Variants in GMPS observed in about 807,000 individuals in gnomAD.
GMPS encodes the protein GMP synthase [glutamine-hydrolyzing].
GMPS carries 15 observed loss-of-function variants against 77.9 expected under a neutral mutation model. The ratio of observed to expected loss-of-function variants is 0.19; its 90% CI spans 0.13 to 0.30. The LOEUF is 0.30. Ranked by LOEUF, GMPS falls within the 10% of genes least tolerant of loss-of-function variation. GMPS has a pLI of 1.00. For synonymous variants in GMPS, 224 were observed against 275.9 expected, an observed-to-expected ratio of 0.81 and a Z score of 1.86; for missense variants, 590 against 838.8, an observed-to-expected ratio of 0.70 and a Z score of 3.66.
chr3:155,906,963 A>G (rs1470621232), intron 5 of GMPS, among the ~76,000 whole-genome samples: 1 of 152,182 alleles, frequency 6.6e-6, no homozygotes, highest in Non-Finnish European at 1.5e-5. Flanking sequence ...AATGGTCACT[A>G]ATATTCCTGG....
At position 155,940,744 on chromosome 3, in the gene GMPS, T is replaced by TG. The variant is rs978418328; in HGVS notation, c.*3052_*3053insG. 3.9e-5 allele frequency: 8 copies of TG among 203,476 alleles called. No individual in the cohort carries two copies. Among genetic ancestry groups the TG allele is most frequent in the East Asian group, 1.7e-4 (2 of 11,722 alleles). The allele number at this position is 203,476 out of a possible 1,614,324, so 12.6% of individuals were successfully genotyped here. ...AGAATGGAGAAGCTGGATAGTGTTT[T>TG]TTTTTTTTTTTTTTAAGGTTCTTTT... On this transcript the variant is annotated 3_prime_UTR_variant, in exon 16 of 16. Coordinates refer to ENST00000496455, the MANE Select transcript of GMPS (RefSeq NM_003875.3).
At position 155,890,714 on chromosome 3, in the gene GMPS, C is replaced by T. The variant is rs7620712; in HGVS notation, c.28-2804C>T. 7.1e-4 allele frequency among the ~76,000 whole-genome samples: 108 copies of T among 152,256 alleles called. 4 individuals are homozygous for T. Among genetic ancestry groups the T allele is most frequent in the East Asian group, 2.5e-3 (13 of 5,184 alleles). ...TTTCCTGGAGTCACTTCCTTTGGGA[C>T]GTTGCCATTCTTTCCATCACAACCA... is the stretch of plus-strand genomic sequence containing the variant. On this transcript the variant is annotated intron_variant, in intron 1 of 15. Transcript: ENST00000496455.
In GMPS at chr3:155,922,141, G is replaced by C. The variant is rs956695133; in HGVS notation, c.1319-46G>C. ...ATTTTTATATTAGATTTTTATATTA[G>C]AAATATAACATTAATGTTAAATACT... On this transcript the variant is annotated intron_variant, in intron 10 of 15. Coordinates refer to ENST00000496455, the MANE Select transcript of GMPS (RefSeq NM_003875.3). 1.8e-5 allele frequency: 13 copies of C among 723,934 alleles called. No individual in the cohort carries two copies. In the African/African-American group the frequency reaches 2.5e-4, roughly 14 times the overall value. The allele number at this position is 723,934 out of a possible 1,614,324, so 44.8% of individuals were successfully genotyped here.
At chr3:155,892,504 T>C (rs1312420571) in intron 1 of GMPS, among the ~76,000 whole-genome samples, 1 of 152,256 alleles carries the variant, frequency 6.6e-6, no homozygotes, top group Non-Finnish European at 1.5e-5. Context: ...TTTTGCATTA[T>C]TTTGAAGCAT....
chr3:155,870,324 G>T (rs577469521), upstream of GMPS, among the ~76,000 whole-genome samples: 1 of 152,356 alleles, frequency 6.6e-6, no homozygotes, highest in East Asian at 1.9e-4. Flanking sequence ...TCCGGCAGCA[G>T]CAAACTAGCT....
chr3:155,904,667 A>G (rs1189023662), intron 4 of GMPS, among the ~76,000 whole-genome samples: 1 of 152,214 alleles, frequency 6.6e-6, no homozygotes, highest in Non-Finnish European at 1.5e-5. Context: ...GAAGTTACTC[A>G]TTGTCAAAAT....
chr3:155,904,184 C>G (rs891382309), intron 4 of GMPS, among the ~76,000 whole-genome samples: 1 of 152,024 alleles, frequency 6.6e-6, no homozygotes, highest in African/African-American at 2.4e-5. Flanking sequence ...AATTTGAAAA[C>G]GCCTGTGCAG....
At chr3:155,906,721 T>G (rs897195864) in intron 5 of GMPS, among the ~76,000 whole-genome samples, 2 of 151,778 alleles carry the variant, frequency 1.3e-5, no homozygotes, top group Admixed American at 6.6e-5. Context: ...AATCTAGTCT[T>G]TTGCCTTTTT....
chr3:155,870,856 C>A lies in GMPS; in HGVS notation c.-15C>A. ...TACTGTCGCCGTCACCGCCGCGGCT[C>A]CGGCCCTGGCCCCGATGGCTCTGTG... On this transcript the variant is annotated 5_prime_UTR_variant, in exon 1 of 16. Transcript: ENST00000496455. The A allele has an allele frequency of 6.7e-7, 1 of 1,499,152 alleles. No homozygotes were observed. The allele number at this position is 1,499,152 out of a possible 1,614,324, so 92.9% of individuals were successfully genotyped here. A position where few individuals can be genotyped will look rare whatever the true frequency, so the allele number is the denominator to read the frequency against.
rs1755257291 is a variant in GMPS, at chr3:155,919,152, A to G, written c.1213-81A>G. ...AGTCTAAGAAAAGTGGTAACAGGAAAAGCCAATAATTTATTACGCTTTGTT... is the reference window on the plus strand; with the variant it reads ...AGTCTAAGAAAAGTGGTAACAGGAAGAGCCAATAATTTATTACGCTTTGTT... On this transcript the variant is annotated intron_variant, in intron 9 of 15. Coordinates refer to ENST00000496455, the MANE Select transcript of GMPS (RefSeq NM_003875.3). The G allele has an allele frequency of 1.6e-5, 10 of 633,230 alleles. No individual in the cohort carries two copies. In the South Asian group the frequency reaches 2.1e-4, roughly 14 times the overall value. The allele number at this position is 633,230 out of a possible 1,614,324, so 39.2% of individuals were successfully genotyped here. A position where few individuals can be genotyped will look rare whatever the true frequency, so the allele number is the denominator to read the frequency against.
chr3:155,938,938 C>G lies in GMPS; in HGVS notation c.*1246C>G, dbSNP rs116286350. On this transcript the variant is annotated 3_prime_UTR_variant, in exon 16 of 16. Coordinates refer to ENST00000496455, the MANE Select transcript of GMPS (RefSeq NM_003875.3). ...GAATGTTACCATATTTTTCTCTTAA[C>G]AATTCCATCTCAGGTTGCTGCTGCT... 0.012 allele frequency: 2,581 copies of G among 217,118 alleles called. 88 individuals carry two copies. Among genetic ancestry groups the G allele is most frequent in the African/African-American group, 0.055 (2,434 of 44,534 alleles). 13.4% of individuals were successfully genotyped at this position (217,118 alleles called of 1,614,324 possible).
At chr3:155,872,019 C>G (rs536129572) in intron 1 of GMPS, among the ~76,000 whole-genome samples, 24 of 152,288 alleles carry the variant, frequency 1.6e-4, no homozygotes, top group African/African-American at 5.8e-4. Flanking sequence ...TACACCTCCT[C>G]TGTACGCTGT....
chr3:155,914,856 C>T (rs1037530333), intron 8 of GMPS, among the ~76,000 whole-genome samples: 2 of 151,816 alleles, frequency 1.3e-5, no homozygotes, highest in Admixed American at 6.6e-5. Flanking sequence ...GCAACCTCTG[C>T]CTTCTGGGTT....
In GMPS at chr3:155,910,897, A is replaced by G. The variant is rs762762168; in HGVS notation, c.720+12A>G. 1 of 1,528,336 alleles carries G rather than the reference A, an allele frequency of 6.5e-7. No individual in the cohort carries two copies. Among genetic ancestry groups the G allele is most frequent in the Non-Finnish European group, 8.9e-7 (1 of 1,123,468 alleles). The allele number at this position is 1,528,336 out of a possible 1,614,324, so 94.7% of individuals were successfully genotyped here. ...CGTCAAAAGTTTTGGTAAGCAAATT[A>G]TTATCTGGAAGTCTACAAATTTATA... On this transcript the variant is annotated intron_variant, in intron 6 of 15. Transcript: ENST00000496455.
chr3:155,873,829 G>T (rs772337065), intron 1 of GMPS, among the ~76,000 whole-genome samples: 2 of 151,344 alleles, frequency 1.3e-5, no homozygotes, highest in African/African-American at 2.4e-5. Context: ...TAGAGACAGG[G>T]TTTCACTGTG....
At position 155,941,497 on chromosome 3, in the gene GMPS, T is replaced by A; in HGVS notation, c.*3805T>A. 1 of 215,602 alleles carries A rather than the reference T, an allele frequency of 4.6e-6. No individual in the cohort carries two copies. Among genetic ancestry groups the A allele is most frequent in the Non-Finnish European group, 9.3e-6 (1 of 107,060 alleles). The allele number at this position is 215,602 out of a possible 1,614,324, so 13.4% of individuals were successfully genotyped here. On this transcript the variant is annotated 3_prime_UTR_variant, in exon 16 of 16. Transcript: ENST00000496455. ...TAATTGTCTCCTTACTTACAGTGAGTTTCTAGAGATAGCCCTGTCTTTCAG... is the reference window on the plus strand; with the variant it reads ...TAATTGTCTCCTTACTTACAGTGAGATTCTAGAGATAGCCCTGTCTTTCAG...
intron 10 of GMPS, among the ~76,000 whole-genome samples, chr3:155,920,804 G>A (rs1370977678): frequency 1.3e-5 from 2 of 152,126 alleles, no homozygotes; most frequent in Admixed American, 1.3e-4. Flanking sequence ...GTAAAGAATG[G>A]ACTAGGGAAT....
intron 5 of GMPS, among the ~76,000 whole-genome samples, chr3:155,908,152 G>T (rs1235905871): frequency 6.6e-6 from 1 of 152,226 alleles, no homozygotes; most frequent in Non-Finnish European, 1.5e-5. Context: ...GTAGTAATCA[G>T]GAGAGAGACA....
In GMPS at chr3:155,930,285, G is replaced by A. The variant is rs894726183; in HGVS notation, c.1561-1480G>A. Among the ~76,000 whole-genome samples the A allele has an allele frequency of 7.4e-5, 11 of 148,706 alleles. No individual in the cohort carries two copies. The Admixed American group carries it at 7.4e-4, about 10-fold the overall frequency. On this transcript the variant is annotated intron_variant, in intron 12 of 15. Transcript: ENST00000496455. Reference sequence around the variant, plus strand: ...AAGGATTCCCTATTTAATAAACGGTGCTGGGAAAACTGGCTAGCCATATGT... The same window carrying A: ...AAGGATTCCCTATTTAATAAACGGTACTGGGAAAACTGGCTAGCCATATGT...
Sources: gnomAD v4.1 joint callset for allele counts (sites outside exome capture counted in the v4.1 genomes callset) on GRCh38, gnomAD v4.1.1 for gene constraint, MANE v1.5 for transcripts, NCBI Gene and HGNC (gene_info 2026-07-23, HGNC 2026-07-21) for gene names.